Variants in MYO6 observed in about 807,000 individuals in gnomAD.
MYO6 encodes unconventional myosin-VI.
MYO6 carries 74 observed loss-of-function variants against 178.7 expected under a neutral mutation model. That is an observed-to-expected ratio of 0.41 (90% CI 0.34 to 0.50). The LOEUF (loss-of-function observed/expected upper bound fraction) is 0.50, where lower values mean the gene tolerates loss of function less well. Among genes scored for constraint, MYO6 ranks in the 20% least tolerant of loss-of-function variants. The probability of loss-of-function intolerance (pLI) is 0.09; values close to 1 mark genes in which losing one functional copy is unlikely to be tolerated. For synonymous variants in MYO6, 477 were observed against 504.6 expected (o/e 0.95, Z 0.73); for missense variants, 1,330 against 1,547.4 (o/e 0.86, Z 2.36).
chr6:75,870,524 A>C, intron 18 of MYO6, 123 bp from the exon 19 acceptor site: 1 of 769,310 alleles, frequency 1.3e-6, no homozygotes, highest in East Asian at 2.7e-5. Flanking sequence ...GTTAAACTGG[A>C]ATGTGTTGTA....
At chr6:75,786,863 C>G (rs1767618953) in intron 1 of MYO6, among the ~76,000 whole-genome samples, 1 of 152,178 alleles carries the variant, frequency 6.6e-6, no homozygotes, top group Admixed American at 6.5e-5. Context: ...TTCTTGATAG[C>G]AGAATCATTA....
At position 75,768,621 on chromosome 6, in the gene MYO6, A is replaced by T. The variant is rs1343056755; in HGVS notation, c.-48+19198A>T. On this transcript the variant is annotated intron_variant, in intron 1 of 34. Transcript: ENST00000369977. The stretch of plus-strand genomic sequence containing the variant: ...GGTCTCAAACTCCTGACCTTAAGTG[A>T]TCCACCAGCCTCTGACTCCCAAAGT... 2.6e-5 allele frequency among the ~76,000 whole-genome samples: 4 copies of T among 151,962 alleles called. No homozygotes were observed. The East Asian group carries it at 7.7e-4, about 29-fold the overall frequency.
At chr6:75,825,065 C>G (rs141004527) in intron 3 of MYO6, among the ~76,000 whole-genome samples, 1 of 152,182 alleles carries the variant, frequency 6.6e-6, no homozygotes, top group African/African-American at 2.4e-5. Context: ...AGCTATAGCT[C>G]TGAGTTTTCT....
intron 6 of MYO6, among the ~76,000 whole-genome samples, chr6:75,833,161 C>T: frequency 6.6e-6 from 1 of 152,104 alleles, no homozygotes; most frequent in South Asian, 2.1e-4. Context: ...TAATCTTTTA[C>T]TTTTTTTGTA....
chr6:75,770,558 C>G (rs150904827), intron 1 of MYO6, among the ~76,000 whole-genome samples: 1 of 152,316 alleles, frequency 6.6e-6, no homozygotes, highest in African/African-American at 2.4e-5. Context: ...CTTATTGCAA[C>G]CTCCGCCTCC....
At chr6:75,880,244 A>C in intron 22 of MYO6, 124 bp downstream of exon 22, 1 of 757,562 alleles carries the variant, frequency 1.3e-6, no homozygotes, top group South Asian at 1.8e-5. Context: ...AACAACATGA[A>C]TTGCTATTTT....
intron 1 of MYO6, among the ~76,000 whole-genome samples, chr6:75,800,719 T>G (rs1562176930): frequency 6.6e-6 from 1 of 151,946 alleles, no homozygotes; most frequent in Non-Finnish European, 1.5e-5. Flanking sequence ...AGATAGAAAA[T>G]GGGGCATTAC....
At chr6:75,823,209 T>C (rs1293302871) in intron 3 of MYO6, among the ~76,000 whole-genome samples, 1 of 152,216 alleles carries the variant, frequency 6.6e-6, no homozygotes, top group Non-Finnish European at 1.5e-5. Flanking sequence ...AATTTGGAAG[T>C]TGAGTCAGTA....
rs146803028 is a variant in MYO6 at position 75,830,219 on chromosome 6, A to G, written c.262-197A>G. ...GGTGCCTATGGGTTGGTAAGATACA[A>G]ATATTTATTAAGAATTGGAGAAATA... On this transcript the variant is annotated intron_variant, in intron 4 of 34. Coordinates refer to ENST00000369977, the MANE Select transcript of MYO6 (RefSeq NM_004999.4). 1.5e-4 allele frequency among the ~76,000 whole-genome samples: 23 copies of G among 152,298 alleles called. 1 individual carries two copies. The East Asian group carries it at 4.4e-3, about 29-fold the overall frequency.
chr6:75,866,564 C>T lies in MYO6; in HGVS notation c.1713C>T (p.Ile571=), dbSNP rs1375221083. The T allele has an allele frequency of 6.2e-7, 1 of 1,613,974 alleles. No individual in the cohort carries two copies. Residue 571 remains isoleucine, a synonymous_variant, in exon 17 of 35, where the codon ATC becomes ATT. Transcript: ENST00000369977. The part of the protein sequence containing the change: ...RKSKLAVHRN[I]RDDEGFIIRH... ...CTAAGCTGGCAGTTCATAGGAATAT[C>T]AGAGACGACGAAGGCTTCATTATCA...
At chr6:75,769,224 C>G (rs1778706649) in intron 1 of MYO6, among the ~76,000 whole-genome samples, 1 of 152,182 alleles carries the variant, frequency 6.6e-6, no homozygotes, top group African/African-American at 2.4e-5. Flanking sequence ...TCCACCAAAT[C>G]TCATGTTCTT....
At position 75,855,299 on chromosome 6, in the gene MYO6, A is replaced by T. The variant is rs974546034; in HGVS notation, c.1223+16A>T. The stretch of plus-strand genomic sequence containing the variant: ...CAGTTATAAAGTAAGTTCCTTAAGT[A>T]ATTGCACTGCAAAAATTTTGCCTTG... On this transcript the variant is annotated intron_variant, in intron 12 of 34. Transcript: ENST00000369977. 9.9e-6 allele frequency: 16 copies of T among 1,612,462 alleles called. No individual in the cohort carries two copies. In the Middle Eastern group the frequency reaches 1.2e-3, roughly 116 times the overall value.
intron 2 of MYO6, among the ~76,000 whole-genome samples, chr6:75,821,751 G>A (rs1771899604): frequency 6.6e-6 from 1 of 152,080 alleles, no homozygotes; most frequent in Non-Finnish European, 1.5e-5. Context: ...AATTGTCATT[G>A]TTTGAGAAGT....
At chr6:75,797,202 G>A (rs1045443192) in intron 1 of MYO6, among the ~76,000 whole-genome samples, 1 of 152,112 alleles carries the variant, frequency 6.6e-6, no homozygotes, top group African/African-American at 2.4e-5. Context: ...CGCTTCTCCT[G>A]CGTCAGCCTC....
intron 1 of MYO6, among the ~76,000 whole-genome samples, chr6:75,809,900 TAA>T (rs1178309622): frequency 8.7e-5 from 7 of 80,248 alleles, no homozygotes; most frequent in African/African-American, 1.4e-4. Context: ...TTGTCTCTGC[TAA>T]AAAAAAAAAA....
intron 1 of MYO6, among the ~76,000 whole-genome samples, chr6:75,758,750 G>A (rs1166210436): frequency 6.6e-6 from 1 of 152,162 alleles, no homozygotes; most frequent in Non-Finnish European, 1.5e-5. Context: ...GAGCCACCGC[G>A]CCTGGCCTGT....
chr6:75,859,820 C>T (rs923478372), intron 14 of MYO6, among the ~76,000 whole-genome samples: 4 of 152,006 alleles, frequency 2.6e-5, no homozygotes, highest in East Asian at 1.9e-4. Flanking sequence ...CCACCATGGC[C>T]GGCTAATTTT....
intron 1 of MYO6, among the ~76,000 whole-genome samples, chr6:75,757,832 A>G (rs1777591800): frequency 6.6e-6 from 1 of 152,090 alleles, no homozygotes; most frequent in Admixed American, 6.6e-5. Context: ...TGTAAAACAC[A>G]GATCACACTG....
At chr6:75,788,054 C>T (rs1255149386) in intron 1 of MYO6, among the ~76,000 whole-genome samples, 1 of 151,756 alleles carries the variant, frequency 6.6e-6, no homozygotes, top group African/African-American at 2.4e-5. Context: ...GCCACCATGC[C>T]CGGCCTATTC....
Sources: gnomAD v4.1 joint callset for allele counts (sites outside exome capture counted in the v4.1 genomes callset) on GRCh38, gnomAD v4.1.1 for gene constraint, MANE v1.5 for transcripts, NCBI Gene and HGNC (gene_info 2026-07-23, HGNC 2026-07-21) for gene names.